ACSM4: variants seen among roughly 807,000 people sequenced by gnomAD.
The protein encoded by ACSM4 is acyl-CoA synthetase medium chain family member 4.
A neutral mutation model predicts 73.0 loss-of-function variants in ACSM4; 66 were observed. The ratio of observed to expected loss-of-function variants is 0.90; its 90% CI spans 0.74 to 1.11. The LOEUF (loss-of-function observed/expected upper bound fraction) is 1.11. Ranked by LOEUF, ACSM4 falls within the 50% of genes least tolerant of loss-of-function variation. The pLI is 0.00. For missense variants in ACSM4, 645 were observed against 714.4 expected, an observed-to-expected ratio of 0.90 and a Z score of 1.11; for synonymous variants, 222 against 254.0, an observed-to-expected ratio of 0.87 and a Z score of 1.20.
At chr12:7,317,998 T>A (rs778404675) in intron 4 of ACSM4, 28 bp from the exon 5 acceptor site, 1 of 1,603,850 alleles carries the variant, frequency 6.2e-7, no homozygotes, top group Non-Finnish European at 8.5e-7. Flanking sequence ...ATTTTTGGTC[T>A]GTTTTGTTGC....
intron 3 of ACSM4, among the ~76,000 whole-genome samples, chr12:7,316,658 G>A (rs1423886920): frequency 1.3e-5 from 2 of 152,166 alleles, no homozygotes; most frequent in Non-Finnish European, 2.9e-5. Flanking sequence ...AACCAGCTGC[G>A]TCTGCCGCAG....
chr12:7,306,665 C>T lies in ACSM4; in HGVS notation c.334C>T (p.Gln112Ter), dbSNP rs199647550. The T allele has an allele frequency of 1.9e-4, 302 of 1,610,814 alleles. 1 individual carries two copies. The highest frequency in any genetic ancestry group is 2.5e-4 in the Non-Finnish European group (289 of 1,178,742). The change falls in exon 2 of 13, where the codon CAG (glutamine) becomes TAG (stop). Residue 112 changes from glutamine to a stop codon, truncating the protein, a stop_gained. Coordinates refer to ENST00000399422, the MANE Select transcript of ACSM4 (RefSeq NM_001080454.2). LOFTEE classifies it high-confidence loss of function. ...CGTGCTCACCAAGCCCTGTGGCCTG[C>T]AGAGAGGAGACCGTTTGGCCGTGAT... is the stretch of plus-strand genomic sequence containing the variant. The part of the protein sequence containing the change: ...ANVLTKPCGL[Q>*]RGDRLAVILP...
At chr12:7,315,585 CTGGGCG>C (rs1453632304) in intron 3 of ACSM4, among the ~76,000 whole-genome samples, 1 of 151,934 alleles carries the variant, frequency 6.6e-6, no homozygotes, top group African/African-American at 2.4e-5. Flanking sequence ...GCACTCCAGC[CTGGGCG>C]ACAGAGTGAG....
chr12:7,323,473 T>G lies in ACSM4; in HGVS notation c.1221T>G (p.Asn407Lys), dbSNP rs1946479884. The change falls in exon 9 of 13, where the codon AAT becomes AAG. Residue 407 changes from asparagine to lysine, a missense_variant. Coordinates refer to ENST00000399422, the MANE Select transcript of ACSM4 (RefSeq NM_001080454.2). ...TTTCATTCCAGATTATAGATGAAAA[T>G]GGCAATGTTCTACCACCTGGCAAAG... ...LPYDVQIIDENGNVLPPGKEG... is the reference protein window; with the variant it reads ...LPYDVQIIDEKGNVLPPGKEG... The G allele has an allele frequency of 6.2e-7, 1 of 1,613,882 alleles. No individual in the cohort carries two copies. The highest frequency in any genetic ancestry group is 1.7e-5 in the Admixed American group (1 of 60,018).
At chr12:7,308,073 AATT>A (rs1412149418) in intron 2 of ACSM4, among the ~76,000 whole-genome samples, 4 of 152,196 alleles carry the variant, frequency 2.6e-5, no homozygotes, top group Admixed American at 2.6e-4. Context: ...AAGTGATTAA[AATT>A]ATGGTAATTC....
chr12:7,304,811 C>A (rs766897653), intron 1 of ACSM4, among the ~76,000 whole-genome samples: 1 of 152,180 alleles, frequency 6.6e-6, no homozygotes, highest in Non-Finnish European at 1.5e-5. Context: ...AAGCCCCATG[C>A]AACAGTGCTT....
intron 12 of ACSM4, among the ~76,000 whole-genome samples, chr12:7,327,536 A>T (rs1946517520): frequency 6.6e-6 from 1 of 152,230 alleles, no homozygotes; most frequent in Admixed American, 6.5e-5. Context: ...AAACTATGGA[A>T]TCTTTCCTGA....
chr12:7,323,889 A>G (rs1000960363), intron 9 of ACSM4, among the ~76,000 whole-genome samples: 5 of 152,100 alleles, frequency 3.3e-5, no homozygotes, highest in Non-Finnish European at 5.9e-5. Context: ...AAAAAATTTA[A>G]TTTCCAGCCA....
Position 7,324,643 on chromosome 12 carries a change from G to C in ACSM4, c.1536+45G>C, listed in dbSNP as rs1305231970. The C allele has an allele frequency of 2.5e-6, 4 of 1,593,730 alleles. No individual in the cohort carries two copies. The South Asian group carries it at 3.3e-5, about 13-fold the overall frequency. On this transcript the variant is annotated intron_variant, in intron 11 of 12. Transcript: ENST00000399422. Reference sequence around the variant, plus strand: ...TAAAGAAGCAACATCATATTTTCAAGTTCTGTCCATTTGACCACTGTAAAG... The same window carrying C: ...TAAAGAAGCAACATCATATTTTCAACTTCTGTCCATTTGACCACTGTAAAG...
intron 3 of ACSM4, among the ~76,000 whole-genome samples, chr12:7,313,954 G>A (rs1480433618): frequency 6.6e-6 from 1 of 152,194 alleles, no homozygotes; most frequent in Admixed American, 6.5e-5. Context: ...GTCAGGTTTG[G>A]ATTTTAAATA....
At chr12:7,310,465 A>G in intron 2 of ACSM4, 74 bp from the exon 3 acceptor site, 1 of 1,408,610 alleles carries the variant, frequency 7.1e-7, no homozygotes, top group Non-Finnish European at 9.7e-7. Flanking sequence ...GCTTCTCCTC[A>G]CCGAGGCACA....
rs375429962 is a variant in ACSM4, at chr12:7,318,373, A to T, written c.921+191A>T. On this transcript the variant is annotated intron_variant, in intron 5 of 12. Transcript: ENST00000399422. ...AGAATGGAGGGGGAACAACTGCAACACTCTGAGGCAGGAAATCCAGACTTC... is the reference window on the plus strand; with the variant it reads ...AGAATGGAGGGGGAACAACTGCAACTCTCTGAGGCAGGAAATCCAGACTTC... 4.2e-4 allele frequency: 252 copies of T among 598,330 alleles called. 1 individual carries two copies. The highest frequency in any genetic ancestry group is 3.0e-3 in the South Asian group (94 of 31,566). The allele number at this position is 598,330 out of a possible 1,614,324, so 37.1% of individuals were successfully genotyped here.
rs1591840676 is a variant in ACSM4, at chr12:7,304,138, G to A, written c.-194G>A. 6 of 607,236 alleles carry A rather than the reference G, an allele frequency of 9.9e-6. No individual in the cohort carries two copies. The East Asian group carries it at 1.4e-4, about 14-fold the overall frequency. 37.6% of individuals were successfully genotyped at this position (607,236 alleles called of 1,614,324 possible). A position where few individuals can be genotyped will look rare whatever the true frequency, so the allele number is the denominator to read the frequency against. On this transcript the variant is annotated 5_prime_UTR_variant, in exon 1 of 13. In the 5' UTR this introduces an upstream ATG that the reference lacks. Coordinates refer to ENST00000399422, the MANE Select transcript of ACSM4 (RefSeq NM_001080454.2). ...GGTCCAGTGGCAGGGAGACCAGTCA[G>A]TGGCTAAGGCAGCAGCTCTGAGGAA...
chr12:7,309,839 A>C (rs935476989), intron 2 of ACSM4, among the ~76,000 whole-genome samples: 1 of 152,224 alleles, frequency 6.6e-6, no homozygotes, highest in African/African-American at 2.4e-5. Context: ...GCTAGAATAC[A>C]GTGGTATGAT....
chr12:7,320,630 T>G, intron 5 of ACSM4, 95 bp from the exon 6 acceptor site: 1 of 1,028,566 alleles, frequency 9.7e-7, no homozygotes, highest in Non-Finnish European at 1.5e-6. Context: ...GATGGGCACA[T>G]ATTAATGGAA....
intron 5 of ACSM4, 68 bp downstream of exon 5, chr12:7,318,250 A>T: frequency 6.4e-7 from 1 of 1,571,638 alleles, no homozygotes; most frequent in Non-Finnish European, 8.6e-7. Context: ...ATCACAAAGA[A>T]ATTATTCCTT....
chr12:7,317,068 GCAGAGGAAATAT>G (rs1946425355), intron 3 of ACSM4, 57 bp from the exon 4 acceptor site: 2 of 1,530,398 alleles, frequency 1.3e-6, no homozygotes, highest in Non-Finnish European at 1.8e-6. Flanking sequence ...AAGTAGTTGA[GCAGAGGAAATAT>G]CAGAGTCAAA....
chr12:7,323,134 C>A, intron 7 of ACSM4, 100 bp from the exon 8 acceptor site: 1 of 1,152,246 alleles, frequency 8.7e-7, no homozygotes, highest in Non-Finnish European at 1.2e-6. Context: ...GCCTGCATAC[C>A]AGGAAAATCA....
chr12:7,304,081 C>T lies in ACSM4; in HGVS notation c.-251C>T, dbSNP rs976834886. Reference sequence around the variant, plus strand: ...TCTGTAGTTAAGGGGTTTTTTTAGACTCATCTGGTCACAGACAGAATGAAG... The same window carrying T: ...TCTGTAGTTAAGGGGTTTTTTTAGATTCATCTGGTCACAGACAGAATGAAG... On this transcript the variant is annotated 5_prime_UTR_variant, in exon 1 of 13. Transcript: ENST00000399422. 5.9e-5 allele frequency among the ~76,000 whole-genome samples: 9 copies of T among 152,078 alleles called. No individual in the cohort carries two copies. Among genetic ancestry groups the T allele is most frequent in the African/African-American group, 1.2e-4 (5 of 41,412 alleles).
Sources: allele counts gnomAD v4.1 joint callset (sites outside exome capture counted in the v4.1 genomes callset), GRCh38; gene constraint gnomAD v4.1.1; transcripts MANE v1.5; gene names NCBI Gene and HGNC (gene_info 2026-07-23, HGNC 2026-07-21).